The following FA2H variants were observed in gnomAD, a reference collection of about 807,000 sequenced individuals.
FA2H encodes fatty acid 2-hydroxylase.
Under a neutral mutation model 44.9 loss-of-function variants are expected in FA2H, and 22 were observed. The observed-to-expected ratio is 0.49, with a 90% CI of 0.35 to 0.70. The LOEUF (loss-of-function observed/expected upper bound fraction) is 0.70. Ranked by LOEUF, FA2H falls within the 30% of genes least tolerant of loss-of-function variation. The probability of loss-of-function intolerance (pLI) is 0.01; values close to 1 mark genes in which losing one functional copy is unlikely to be tolerated. For missense variants in FA2H, 501 were observed against 504.9 expected (o/e 0.99, Z 0.07); for synonymous variants, 243 against 213.2 (o/e 1.14, Z -1.22).
chr16:74,747,315 T>C (rs1374111498), intron 1 of FA2H, among the ~76,000 whole-genome samples: 1 of 46,446 alleles, frequency 2.2e-5, no homozygotes. Flanking sequence ...CACCTCAAAA[T>C]AAATAAATAA....
At chr16:74,774,167 G>C (rs143140299) in intron 1 of FA2H, among the ~76,000 whole-genome samples, 44 of 152,238 alleles carry the variant, frequency 2.9e-4, no homozygotes, top group African/African-American at 1.0e-3. Context: ...GGACAGAAAC[G>C]GGAATCCAGG....
At chr16:74,767,384 A>C (rs534262376) in intron 1 of FA2H, among the ~76,000 whole-genome samples, 2 of 152,188 alleles carry the variant, frequency 1.3e-5, no homozygotes, top group South Asian at 2.1e-4. Flanking sequence ...CTAACAATGG[A>C]GACTGAGAAG....
At chr16:74,773,165 T>C (rs7203371) in intron 1 of FA2H, among the ~76,000 whole-genome samples, 102,780 of 152,106 alleles carry the variant, frequency 0.68, 35,621 homozygotes, top group Middle Eastern at 0.77. Context: ...TGTCAGCCAC[T>C]TTGCCTGGCC....
chr16:74,718,128 G>A (rs1054559159), intron 5 of FA2H, among the ~76,000 whole-genome samples: 6 of 152,286 alleles, frequency 3.9e-5, no homozygotes, highest in South Asian at 2.1e-4. Flanking sequence ...TGTCCCAGGC[G>A]GCCGATCAAA....
intron 1 of FA2H, among the ~76,000 whole-genome samples, chr16:74,745,064 C>T (rs1490120257): frequency 1.3e-5 from 2 of 152,162 alleles, no homozygotes; most frequent in Admixed American, 6.5e-5. Context: ...CTGAGGCGAA[C>T]GAGACTGTCC....
At chr16:74,757,052 A>C (rs1853841369) in intron 1 of FA2H, among the ~76,000 whole-genome samples, 1 of 152,128 alleles carries the variant, frequency 6.6e-6, no homozygotes, top group South Asian at 2.1e-4. Context: ...AAAAAAAAAC[A>C]TTAAGCAAGG....
chr16:74,728,780 C>CTTTTTTTT (rs935652907), intron 2 of FA2H, among the ~76,000 whole-genome samples: 8 of 113,966 alleles, frequency 7.0e-5, no homozygotes, highest in South Asian at 2.7e-4. Context: ...TTATCTCTTT[C>CTTTTTTTT]TTTTTTTTTT....
At chr16:74,756,550 C>A (rs899722618) in intron 1 of FA2H, among the ~76,000 whole-genome samples, 1 of 152,146 alleles carries the variant, frequency 6.6e-6, no homozygotes, top group Non-Finnish European at 1.5e-5. Flanking sequence ...TCACTCCCAC[C>A]TCCTGTTCCT....
intron 1 of FA2H, among the ~76,000 whole-genome samples, chr16:74,754,267 G>A (rs909478862): frequency 2.0e-5 from 3 of 152,110 alleles, no homozygotes; most frequent in African/African-American, 4.8e-5. Context: ...GTGGTGGCAC[G>A]TGCCTGTAGT....
intron 1 of FA2H, among the ~76,000 whole-genome samples, chr16:74,763,701 A>T (rs77305261): frequency 0.011 from 1,317 of 125,074 alleles, 49 homozygotes; most frequent in East Asian, 0.078. Context: ...GAGAACTAGA[A>T]TTCTACTCCC....
rs530739742 is a variant in FA2H, at chr16:74,771,136, C to G, written c.270+3350G>C. The stretch of plus-strand genomic sequence containing the variant: ...GGGCGGGCCCATGAGCCACCGCAAA[C>G]CTGTCAGTCTCAACCTCTCTTATTT... On this transcript the variant is annotated intron_variant, in intron 1 of 6. Coordinates refer to ENST00000219368, the MANE Select transcript of FA2H (RefSeq NM_024306.5). 8.5e-5 allele frequency among the ~76,000 whole-genome samples: 13 copies of G among 152,306 alleles called. No homozygotes were observed. In the East Asian group the frequency reaches 2.1e-3, roughly 25 times the overall value.
chr16:74,746,592 C>T (rs151218254), intron 1 of FA2H, among the ~76,000 whole-genome samples: 1 of 152,186 alleles, frequency 6.6e-6, no homozygotes, highest in African/African-American at 2.4e-5. Context: ...ATTTGACTTG[C>T]ATTTAAAACA....
intron 6 of FA2H, 89 bp downstream of exon 6, chr16:74,716,258 T>G: frequency 6.8e-7 from 1 of 1,465,730 alleles, no homozygotes; most frequent in Non-Finnish European, 9.4e-7. Flanking sequence ...CATGGAACAG[T>G]GCCTTGCCGT....
chr16:74,769,447 G>A (rs1343821406), intron 1 of FA2H, among the ~76,000 whole-genome samples: 1 of 152,154 alleles, frequency 6.6e-6, no homozygotes, highest in East Asian at 1.9e-4. Flanking sequence ...TGTTATTATC[G>A]CCAAGCATGA....
intron 5 of FA2H, among the ~76,000 whole-genome samples, chr16:74,717,898 G>A (rs1453684449): frequency 6.6e-6 from 1 of 152,190 alleles, no homozygotes; most frequent in African/African-American, 2.4e-5. Context: ...ACAGGGCAAG[G>A]GACACAGAAG....
chr16:74,736,276 TG>T (rs1962178177), intron 2 of FA2H, among the ~76,000 whole-genome samples: 1 of 152,070 alleles, frequency 6.6e-6, no homozygotes, highest in Admixed American at 6.6e-5. Flanking sequence ...CTTTGGATGT[TG>T]GGCCCTCCAG....
chr16:74,748,229 G>C lies in FA2H; in HGVS notation c.271-8114C>G, dbSNP rs559550574. On this transcript the variant is annotated intron_variant, in intron 1 of 6. Coordinates refer to ENST00000219368, the MANE Select transcript of FA2H (RefSeq NM_024306.5). ...TTCGCAGTTTTCGCTACATGGAAACGCTGCGCGTGGAGCAGTGAAGCAAAC... is the reference window on the plus strand; with the variant it reads ...TTCGCAGTTTTCGCTACATGGAAACCCTGCGCGTGGAGCAGTGAAGCAAAC... Among the ~76,000 whole-genome samples, 8 of 152,360 alleles carry C rather than the reference G, an allele frequency of 5.3e-5. No homozygotes were observed. The South Asian group carries it at 1.7e-3, about 32-fold the overall frequency.
Position 74,774,746 on chromosome 16 carries a change from C to A in FA2H, c.10G>T (p.Ala4Ser), listed in dbSNP as rs1272032670. Residue 4 changes from alanine (A) to serine (S), a missense_variant, in exon 1 of 7, where the codon GCT becomes TCT. By Grantham distance (99) the Ala-to-Ser change is moderately conservative (BLOSUM62 1). Coordinates refer to ENST00000219368, the MANE Select transcript of FA2H (RefSeq NM_024306.5). The stretch of plus-strand genomic sequence containing the variant: ...GAGAAGGAGGCGGCGGGGGGCGGAG[C>A]GGGGGCCATGGCCGGAGACCGCAGC... Reference protein sequence around the residue: MAPAPPPAASFSPS... With the variant: MAPSPPPAASFSPS... 8 of 1,310,550 alleles carry A rather than the reference C, an allele frequency of 6.1e-6. No individual in the cohort carries two copies. The East Asian group carries it at 2.2e-4, about 36-fold the overall frequency. The allele number at this position is 1,310,550 out of a possible 1,614,324, so 81.2% of individuals were successfully genotyped here.
chr16:74,719,181 CGAGGT>C (rs1567633985), intron 4 of FA2H, 21 bp from the exon 5 acceptor site: 1 of 1,607,188 alleles, frequency 6.2e-7, no homozygotes, highest in East Asian at 2.2e-5. Context: ...GCAGGGAGAG[CGAGGT>C]GAGGACCGGT....
Sources: allele counts gnomAD v4.1 joint callset (sites outside exome capture counted in the v4.1 genomes callset), GRCh38; gene constraint gnomAD v4.1.1; transcripts MANE v1.5; gene names NCBI Gene and HGNC (gene_info 2026-07-23, HGNC 2026-07-21).